The following CCDC149 variants were observed in gnomAD, a reference collection of about 807,000 sequenced individuals.
The protein encoded by CCDC149 is coiled-coil domain-containing protein 149.
Under a neutral mutation model 59.9 loss-of-function variants are expected in CCDC149, and 45 were observed. The observed-to-expected ratio is 0.75, with a 90% CI of 0.59 to 0.96. The LOEUF (loss-of-function observed/expected upper bound fraction) is 0.96, where lower values mean the gene tolerates loss of function less well. Among genes scored for constraint, CCDC149 ranks in the 40% least tolerant of loss-of-function variants. The probability of loss-of-function intolerance (pLI) is 0.00; values close to 1 mark genes in which losing one functional copy is unlikely to be tolerated. For synonymous variants in CCDC149, 245 were observed against 260.6 expected (o/e 0.94, Z 0.58); for missense variants, 584 against 664.7 (o/e 0.88, Z 1.33).
upstream of CCDC149, among the ~76,000 whole-genome samples, chr4:24,913,154 C>G (rs1722002403): frequency 6.6e-6 from 1 of 151,824 alleles, no homozygotes; most frequent in African/African-American, 2.4e-5. Flanking sequence ...ACCTCGGGCT[C>G]CGCGCCTCCT....
At chr4:24,919,935 C>T (rs1009643472) in intron 1 of CCDC149, among the ~76,000 whole-genome samples, 1 of 152,064 alleles carries the variant, frequency 6.6e-6, no homozygotes, top group Non-Finnish European at 1.5e-5. Context: ...AGATCTGGAC[C>T]CCTTGCTATA....
chr4:24,807,121 G>A lies in CCDC149; in HGVS notation c.*1268C>T, dbSNP rs1303090940. 6.6e-6 allele frequency: 1 copy of A among 152,176 alleles called. No homozygotes were observed. The highest frequency in any genetic ancestry group is 1.5e-5 in the Non-Finnish European group (1 of 68,030). The allele number at this position is 152,176 out of a possible 1,614,324, so 9.4% of individuals were successfully genotyped here. A position where few individuals can be genotyped will look rare whatever the true frequency, so the allele number is the denominator to read the frequency against. Reference sequence around the variant, plus strand: ...GAGCGCCTCTCAAAGGAGTGATTCTGGTTCTCAGAGGCATTCTGAGCTTTG... The same window carrying A: ...GAGCGCCTCTCAAAGGAGTGATTCTAGTTCTCAGAGGCATTCTGAGCTTTG... On this transcript the variant is annotated 3_prime_UTR_variant, in exon 13 of 13. Transcript: ENST00000635206.
At chr4:24,889,736 A>G (rs185136372) in intron 1 of CCDC149, among the ~76,000 whole-genome samples, 163 of 152,346 alleles carry the variant, frequency 1.1e-3, no homozygotes, top group Admixed American at 5.0e-3. Flanking sequence ...TGGGCTGTGT[A>G]GCAGTAAGAA....
intron 4 of CCDC149, among the ~76,000 whole-genome samples, chr4:24,841,394 TAA>T (rs1380199412): frequency 6.6e-6 from 1 of 152,260 alleles, no homozygotes; most frequent in Admixed American, 6.5e-5. Context: ...GACAGCCATA[TAA>T]GAGTCATCTT....
intron 1 of CCDC149, among the ~76,000 whole-genome samples, chr4:24,877,981 G>A (rs896126337): frequency 3.3e-5 from 5 of 152,146 alleles, no homozygotes; most frequent in African/African-American, 1.2e-4. Flanking sequence ...GAGCATTCAT[G>A]AAAACAATTT....
intron 1 of CCDC149, among the ~76,000 whole-genome samples, chr4:24,877,489 A>G (rs1392948217): frequency 7.2e-5 from 11 of 151,978 alleles, no homozygotes; most frequent in Admixed American, 6.6e-4. Flanking sequence ...TGGCCCATGT[A>G]GTTTTTATTG....
intron 3 of CCDC149, among the ~76,000 whole-genome samples, chr4:24,854,230 C>T (rs1164089283): frequency 6.6e-6 from 1 of 152,180 alleles, no homozygotes; most frequent in Non-Finnish European, 1.5e-5. Context: ...TTCTCCCATA[C>T]TATTCTTACT....
chr4:24,882,588 C>G (rs1387386508), intron 1 of CCDC149, among the ~76,000 whole-genome samples: 1 of 152,196 alleles, frequency 6.6e-6, no homozygotes, highest in Non-Finnish European at 1.5e-5. Flanking sequence ...GTTCCTATCT[C>G]GTCAGTGACC....
chr4:24,836,363 A>G, intron 7 of CCDC149, 73 bp downstream of exon 7: 1 of 1,031,704 alleles, frequency 9.7e-7, no homozygotes, highest in Non-Finnish European at 1.5e-6. Context: ...TGGCACATAG[A>G]AGGGAATTAA....
At chr4:24,870,358 C>T (rs1262626852) in intron 3 of CCDC149, among the ~76,000 whole-genome samples, 1 of 152,212 alleles carries the variant, frequency 6.6e-6, no homozygotes, top group East Asian at 1.9e-4. Flanking sequence ...TTAAAGCCCA[C>T]ATTACCTCTG....
chr4:24,815,117 G>A (rs183324029), intron 12 of CCDC149, among the ~76,000 whole-genome samples: 18 of 152,230 alleles, frequency 1.2e-4, no homozygotes, highest in African/African-American at 2.4e-4. Context: ...ATATATGAAC[G>A]ATATACATGA....
chr4:24,887,893 C>A (rs1050396397), intron 1 of CCDC149, among the ~76,000 whole-genome samples: 1 of 152,134 alleles, frequency 6.6e-6, no homozygotes, highest in Admixed American at 6.5e-5. Context: ...CCAACTTCAT[C>A]ATCAGCTCTT....
chr4:24,821,156 G>T, intron 10 of CCDC149, 69 bp from the exon 11 acceptor site: 2 of 875,526 alleles, frequency 2.3e-6, no homozygotes, highest in South Asian at 1.2e-4. Flanking sequence ...GTTGCACCTA[G>T]ACCAAACAAA....
At chr4:24,855,958 A>C (rs1717977909) in intron 3 of CCDC149, among the ~76,000 whole-genome samples, 1 of 152,224 alleles carries the variant, frequency 6.6e-6, no homozygotes, top group South Asian at 2.1e-4. Context: ...GGAGTTTCTT[A>C]ATCTCTTGGG....
At chr4:24,852,619 T>A (rs1258882956) in intron 4 of CCDC149, among the ~76,000 whole-genome samples, 1 of 152,164 alleles carries the variant, frequency 6.6e-6, no homozygotes, top group Non-Finnish European at 1.5e-5. Context: ...CAATGTTCCA[T>A]ACAAATTGCC....
At chr4:24,967,585 G>A (rs1465619038) in intron 1 of CCDC149, among the ~76,000 whole-genome samples, 2 of 151,158 alleles carry the variant, frequency 1.3e-5, no homozygotes, top group Non-Finnish European at 2.9e-5. Context: ...CCTTCATGTG[G>A]GATGGGCAAC....
At chr4:24,976,890 G>A (rs1724223779) in intron 1 of CCDC149, among the ~76,000 whole-genome samples, 1 of 152,114 alleles carries the variant, frequency 6.6e-6, no homozygotes, top group African/African-American at 2.4e-5. Context: ...GGCCGCTAGA[G>A]GAGTGTGCAT....
Position 24,831,485 on chromosome 4 carries a change from C to CACA in CCDC149, c.965+18_965+20dup, listed in dbSNP as rs764829054. ...CACTTCCTTCGCGCCCACCCCCCAA[C>CACA]ACAAGAGTTTGGCCACCTACTTGTT... is the stretch of plus-strand genomic sequence containing the variant. On this transcript the variant is annotated intron_variant, in intron 9 of 12. Coordinates refer to ENST00000635206, the MANE Select transcript of CCDC149 (RefSeq NM_001330643.2). The CACA allele has an allele frequency of 2.7e-5, 43 of 1,612,968 alleles. No homozygotes were observed. In the East Asian group the frequency reaches 4.0e-4, roughly 15 times the overall value.
intron 12 of CCDC149, among the ~76,000 whole-genome samples, chr4:24,811,068 C>A (rs1714570825): frequency 6.6e-6 from 1 of 152,176 alleles, no homozygotes; most frequent in Non-Finnish European, 1.5e-5. Context: ...TGATAATATG[C>A]ACTAAAAATT....
Sources: gnomAD v4.1 joint callset for allele counts (sites outside exome capture counted in the v4.1 genomes callset) on GRCh38, gnomAD v4.1.1 for gene constraint, MANE v1.5 for transcripts, NCBI Gene and HGNC (gene_info 2026-07-23, HGNC 2026-07-21) for gene names.